Variants in MSRA observed in about 807,000 individuals in gnomAD.
The protein encoded by MSRA is mitochondrial peptide methionine sulfoxide reductase.
A neutral mutation model predicts 31.3 loss-of-function variants in MSRA; 54 were observed. That is an observed-to-expected ratio of 1.73 (90% CI 1.39 to 2.17). The LOEUF (loss-of-function observed/expected upper bound fraction) is 2.17, where lower values mean the gene tolerates loss of function less well. Ranked by LOEUF, MSRA falls within the 30% of genes most tolerant of loss-of-function variation. The pLI is 0.00. For synonymous variants in MSRA, 169 were observed against 116.5 expected, an observed-to-expected ratio of 1.45 and a Z score of -2.90; for missense variants, 507 against 300.9, an observed-to-expected ratio of 1.69 and a Z score of -5.07.
At chr8:10,333,636 G>A (rs1365105065) in intron 5 of MSRA, among the ~76,000 whole-genome samples, 3 of 152,202 alleles carry the variant, frequency 2.0e-5, no homozygotes, top group African/African-American at 4.8e-5. Flanking sequence ...TGGTGTATAT[G>A]TAAAGTGTCT....
intron 5 of MSRA, among the ~76,000 whole-genome samples, chr8:10,329,463 C>A (rs1802567043): frequency 6.6e-6 from 1 of 152,204 alleles, no homozygotes; most frequent in Non-Finnish European, 1.5e-5. Context: ...AGGACACTGA[C>A]AGTTGCATTT....
chr8:10,400,197 G>C (rs1029805046), intron 5 of MSRA, among the ~76,000 whole-genome samples: 1 of 152,120 alleles, frequency 6.6e-6, no homozygotes, highest in South Asian at 2.1e-4. Context: ...AGGAATTGTG[G>C]AGGCCAGGCT....
intron 5 of MSRA, among the ~76,000 whole-genome samples, chr8:10,353,242 A>G (rs1436821130): frequency 2.0e-5 from 3 of 152,084 alleles, no homozygotes; most frequent in Non-Finnish European, 4.4e-5. Flanking sequence ...CAAATAACCA[A>G]TTTCTTGAGG....
chr8:10,089,333 C>T (rs1798743945), intron 1 of MSRA, among the ~76,000 whole-genome samples: 1 of 152,170 alleles, frequency 6.6e-6, no homozygotes, highest in South Asian at 2.1e-4. Context: ...ACAATTGCCT[C>T]CTTTTGTATT....
intron 1 of MSRA, among the ~76,000 whole-genome samples, chr8:10,186,304 G>A (rs543754861): frequency 6.6e-6 from 1 of 152,260 alleles, no homozygotes; most frequent in East Asian, 1.9e-4. Flanking sequence ...GGCTTTGCAG[G>A]CCATACGGTT....
chr8:10,130,337 C>A (rs779420980), intron 1 of MSRA, among the ~76,000 whole-genome samples: 1 of 152,136 alleles, frequency 6.6e-6, no homozygotes, highest in Non-Finnish European at 1.5e-5. Context: ...CCCTGTGCCC[C>A]GACTAATGGT....
At chr8:10,216,777 G>C (rs1213518678) in intron 2 of MSRA, among the ~76,000 whole-genome samples, 1 of 152,248 alleles carries the variant, frequency 6.6e-6, no homozygotes, top group East Asian at 1.9e-4. Flanking sequence ...TGTATCTATA[G>C]ACCACATTTG....
At chr8:10,143,106 A>T (rs1344013291) in intron 1 of MSRA, among the ~76,000 whole-genome samples, 1 of 152,180 alleles carries the variant, frequency 6.6e-6, no homozygotes, top group African/African-American at 2.4e-5. Flanking sequence ...CGTAATTTTT[A>T]TCCAAAGAAT....
At chr8:10,297,039 A>G (rs1452399213) in intron 3 of MSRA, among the ~76,000 whole-genome samples, 1 of 152,216 alleles carries the variant, frequency 6.6e-6, no homozygotes, top group African/African-American at 2.4e-5. Context: ...CTCCACGGAT[A>G]GGAAGCTGTG....
chr8:10,070,318 C>T (rs990533797), intron 1 of MSRA, among the ~76,000 whole-genome samples: 9 of 152,180 alleles, frequency 5.9e-5, no homozygotes, highest in African/African-American at 2.2e-4. Flanking sequence ...GTCACCTAGT[C>T]ACATTTGATG....
intron 1 of MSRA, among the ~76,000 whole-genome samples, chr8:10,120,805 C>T (rs901922124): frequency 6.6e-6 from 1 of 152,172 alleles, no homozygotes; most frequent in Non-Finnish European, 1.5e-5. Context: ...GCTGTGGCTG[C>T]TGGGCTGGCT....
At chr8:10,304,900 C>G (rs912644302) in intron 4 of MSRA, among the ~76,000 whole-genome samples, 1 of 152,118 alleles carries the variant, frequency 6.6e-6, no homozygotes, top group African/African-American at 2.4e-5. Context: ...TTTTCAGAAA[C>G]AAAAGTGATT....
intron 5 of MSRA, among the ~76,000 whole-genome samples, chr8:10,329,880 C>T (rs1218545560): frequency 6.6e-6 from 1 of 151,944 alleles, no homozygotes; most frequent in Non-Finnish European, 1.5e-5. Context: ...CCCTTTCATA[C>T]ATCTCTACCT....
intron 5 of MSRA, among the ~76,000 whole-genome samples, chr8:10,400,927 G>T (rs183599467): frequency 6.6e-6 from 1 of 152,238 alleles, no homozygotes; most frequent in East Asian, 1.9e-4. Context: ...ATCCGTCTCA[G>T]GAAAACATAG....
intron 3 of MSRA, among the ~76,000 whole-genome samples, chr8:10,255,093 G>A (rs1411033705): frequency 1.3e-5 from 2 of 152,232 alleles, no homozygotes; most frequent in Non-Finnish European, 2.9e-5. Context: ...ACTGTCCTCA[G>A]TATTCTGGCC....
chr8:10,237,780 G>T (rs1812072826), intron 2 of MSRA, among the ~76,000 whole-genome samples: 1 of 152,032 alleles, frequency 6.6e-6, no homozygotes, highest in South Asian at 2.1e-4. Context: ...AATCCTTTTG[G>T]CTCTATCTTC....
Position 10,301,573 on chromosome 8 carries a change from A to G in MSRA, c.371A>G (p.Gln124Arg). Residue 124 changes from glutamine (Q) to arginine (R), a missense_variant, in exon 4 of 6, where the codon CAG becomes CGG. Physicochemically the swap from Gln to Arg is conservative, Grantham distance 43. Transcript: ENST00000317173. Reference sequence around the variant, plus strand: ...GCAGAAGTCGTCCGAGTGGTGTACCAGCCAGAACACATGAGTTTTGAGGAA... The same window carrying G: ...GCAGAAGTCGTCCGAGTGGTGTACCGGCCAGAACACATGAGTTTTGAGGAA... Reference protein sequence around the residue: ...GHAEVVRVVYQPEHMSFEELL... With the variant: ...GHAEVVRVVYRPEHMSFEELL... The G allele has an allele frequency of 1.2e-6, 2 of 1,614,182 alleles. No homozygotes were observed. The highest frequency in any genetic ancestry group is 1.7e-6 in the Non-Finnish European group (2 of 1,180,034).
chr8:10,148,902 C>A (rs1202904033), intron 1 of MSRA, among the ~76,000 whole-genome samples: 1 of 150,458 alleles, frequency 6.6e-6, no homozygotes, highest in Non-Finnish European at 1.5e-5. Context: ...TAGGACAACT[C>A]CGATGAGTCC....
intron 5 of MSRA, among the ~76,000 whole-genome samples, chr8:10,339,837 GGCA>G (rs908135239): frequency 2.0e-5 from 3 of 151,228 alleles, no homozygotes; most frequent in Non-Finnish European, 4.4e-5. Flanking sequence ...CACCACGCCC[GGCA>G]GCAAGGGGTT....
Sources: allele counts gnomAD v4.1 joint callset (sites outside exome capture counted in the v4.1 genomes callset), GRCh38; gene constraint gnomAD v4.1.1; transcripts MANE v1.5; gene names NCBI Gene and HGNC (gene_info 2026-07-23, HGNC 2026-07-21).